CTNNA2: variants seen among roughly 807,000 people sequenced by gnomAD.
CTNNA2 encodes the protein catenin alpha 2.
In CTNNA2, 42 loss-of-function variants were observed where a neutral mutation model predicts 101.0. That is an observed-to-expected ratio of 0.42 (90% CI 0.32 to 0.54). The LOEUF (loss-of-function observed/expected upper bound fraction) is 0.54, where lower values mean the gene tolerates loss of function less well. Among genes scored for constraint, CTNNA2 ranks in the 20% least tolerant of loss-of-function variants. CTNNA2 has a pLI of 0.14. For missense variants in CTNNA2, 871 were observed against 1,223.1 expected, an observed-to-expected ratio of 0.71 and a Z score of 4.29; for synonymous variants, 450 against 456.4, an observed-to-expected ratio of 0.99 and a Z score of 0.18.
At chr2:80,155,470 A>G (rs1431132040) in intron 7 of CTNNA2, among the ~76,000 whole-genome samples, 1 of 152,208 alleles carries the variant, frequency 6.6e-6, no homozygotes, top group Non-Finnish European at 1.5e-5. Flanking sequence ...TCTACTTCAT[A>G]TCTTGGTAGT....
intron 7 of CTNNA2, among the ~76,000 whole-genome samples, chr2:79,982,340 A>T (rs202112469): frequency 2.0e-5 from 2 of 102,056 alleles, no homozygotes; most frequent in African/African-American, 6.9e-5. Flanking sequence ...CATATAAAAC[A>T]TATATAACCT....
At chr2:80,593,870 C>A (rs557443840) in intron 15 of CTNNA2, among the ~76,000 whole-genome samples, 1 of 152,100 alleles carries the variant, frequency 6.6e-6, no homozygotes, top group East Asian at 1.9e-4. Flanking sequence ...TTTCTTTATC[C>A]ACTCATCTCT....
chr2:79,324,138 C>G (rs1233413579), intron 3 of CTNNA2, among the ~76,000 whole-genome samples: 2 of 152,138 alleles, frequency 1.3e-5, no homozygotes, highest in African/African-American at 4.8e-5. Context: ...CTTTTGATGG[C>G]AAGACATAAC....
chr2:80,048,875 G>A (rs909699347), intron 7 of CTNNA2, among the ~76,000 whole-genome samples: 1 of 152,192 alleles, frequency 6.6e-6, no homozygotes, highest in Admixed American at 6.5e-5. Flanking sequence ...TGCACAGCAA[G>A]ACTTGTGAAG....
At chr2:79,187,763 C>T (rs1558567551) in intron 1 of CTNNA2, among the ~76,000 whole-genome samples, 1 of 152,102 alleles carries the variant, frequency 6.6e-6, no homozygotes, top group Non-Finnish European at 1.5e-5. Flanking sequence ...TAAAATAATG[C>T]TCAAGAGTTT....
At chr2:80,203,017 C>A (rs1440646646) in intron 7 of CTNNA2, among the ~76,000 whole-genome samples, 1 of 152,214 alleles carries the variant, frequency 6.6e-6, no homozygotes, top group Admixed American at 6.5e-5. Context: ...TGCAGAGCAA[C>A]TCCTGTTTTT....
At chr2:80,294,332 A>G (rs186748809) in intron 7 of CTNNA2, among the ~76,000 whole-genome samples, 2 of 152,294 alleles carry the variant, frequency 1.3e-5, no homozygotes, top group East Asian at 3.9e-4. Context: ...GACTAATTCT[A>G]AGTACACCGA....
chr2:80,337,970 AGAAAGG>A lies in CTNNA2; in HGVS notation c.1057-55237_1057-55232del, dbSNP rs368279936. ...GGAATGTATGGGCAGCAGTAAAATC[AGAAAGG>A]GAATGTAGTTTACTTTTCTTTTTTT... On this transcript the variant is annotated intron_variant, in intron 7 of 18. Coordinates refer to ENST00000402739, the MANE Select transcript of CTNNA2 (RefSeq NM_001282597.3). 8.4e-3 allele frequency among the ~76,000 whole-genome samples: 1,269 copies of A among 151,966 alleles called. 15 individuals carry two copies. The highest frequency in any genetic ancestry group is 0.028 in the African/African-American group (1,171 of 41,498).
intron 7 of CTNNA2, among the ~76,000 whole-genome samples, chr2:80,090,925 G>T (rs911414213): frequency 6.6e-6 from 1 of 152,052 alleles, no homozygotes; most frequent in Non-Finnish European, 1.5e-5. Flanking sequence ...GAGAATGTCA[G>T]TAATGGTCAC....
chr2:80,503,839 T>G (rs1325255189), intron 9 of CTNNA2, among the ~76,000 whole-genome samples: 1 of 152,052 alleles, frequency 6.6e-6, no homozygotes, highest in African/African-American at 2.4e-5. Flanking sequence ...CAAGCCAAGT[T>G]TGGAGTCTAG....
intron 7 of CTNNA2, among the ~76,000 whole-genome samples, chr2:80,065,967 T>C (rs1697958982): frequency 1.3e-5 from 2 of 152,292 alleles, no homozygotes; most frequent in East Asian, 3.9e-4. Context: ...TAGGAGAGAA[T>C]GACTTTACCC....
At chr2:80,536,596 A>G (rs1251080524) in intron 9 of CTNNA2, among the ~76,000 whole-genome samples, 2 of 152,186 alleles carry the variant, frequency 1.3e-5, no homozygotes, top group Admixed American at 6.5e-5. Flanking sequence ...TAAAAAATGT[A>G]ATTTGATTTC....
chr2:79,399,622 G>C lies in CTNNA2; in HGVS notation c.-135+25609G>C, dbSNP rs7424651. ...ACAAACAGCAGTAACAACAAGCCCA[G>C]GTGTGTGGGGGTGATCATCTTCTTT... On this transcript the variant is annotated intron_variant, in intron 4 of 21. Coordinates refer to the CTNNA2 transcript ENST00000466387. Among the ~76,000 whole-genome samples the C allele has an allele frequency of 0.011, 1,671 of 152,096 alleles. 94 individuals carry two copies. In the East Asian group the frequency reaches 0.16, roughly 14 times the overall value.
At chr2:80,300,918 G>T (rs1270448192) in intron 7 of CTNNA2, among the ~76,000 whole-genome samples, 1 of 151,636 alleles carries the variant, frequency 6.6e-6, no homozygotes, top group Non-Finnish European at 1.5e-5. Context: ...CCTATGAGGG[G>T]TGAGAAGGAG....
At chr2:80,089,072 A>G (rs957788518) in intron 7 of CTNNA2, among the ~76,000 whole-genome samples, 4 of 152,002 alleles carry the variant, frequency 2.6e-5, no homozygotes, top group African/African-American at 9.7e-5. Flanking sequence ...AAGACCTATT[A>G]TCCTCTCCAG....
At chr2:79,647,799 G>T (rs1001776957) in intron 1 of CTNNA2, among the ~76,000 whole-genome samples, 1 of 152,228 alleles carries the variant, frequency 6.6e-6, no homozygotes, top group Non-Finnish European at 1.5e-5. Flanking sequence ...TTGATCATGT[G>T]TTGATGGTTT....
intron 2 of CTNNA2, among the ~76,000 whole-genome samples, chr2:79,278,536 T>A (rs1251218958): frequency 4.0e-5 from 6 of 151,460 alleles, no homozygotes; most frequent in Non-Finnish European, 1.5e-5. Context: ...AAAAATGTAA[T>A]TGTGGGCAAT....
intron 9 of CTNNA2, among the ~76,000 whole-genome samples, chr2:80,534,826 T>A (rs1690858369): frequency 6.6e-6 from 1 of 152,120 alleles, no homozygotes; most frequent in East Asian, 1.9e-4. Flanking sequence ...ATGCAGAAAT[T>A]TCACTTCCGA....
At chr2:79,982,567 A>G (rs1313198418) in intron 7 of CTNNA2, among the ~76,000 whole-genome samples, 1 of 120,406 alleles carries the variant, frequency 8.3e-6, no homozygotes, top group African/African-American at 3.5e-5. Context: ...CCCAGTCTTC[A>G]TGGTAGGTTT....
Sources: gnomAD v4.1 joint callset for allele counts (sites outside exome capture counted in the v4.1 genomes callset) on GRCh38, gnomAD v4.1.1 for gene constraint, MANE v1.5 for transcripts, NCBI Gene and HGNC (gene_info 2026-07-23, HGNC 2026-07-21) for gene names.